Variants in SLC35F4 observed in about 807,000 individuals in gnomAD.
The protein encoded by SLC35F4 is chromosome 14 open reading frame 36.
Under a neutral mutation model 44.2 loss-of-function variants are expected in SLC35F4, and 24 were observed. The ratio of observed to expected loss-of-function variants is 0.54; its 90% CI spans 0.39 to 0.76. The LOEUF (loss-of-function observed/expected upper bound fraction) is 0.76, where lower values mean the gene tolerates loss of function less well. SLC35F4 is among the 30% of genes least tolerant of loss of function. The pLI is 0.00. For synonymous variants in SLC35F4, 238 were observed against 223.6 expected (o/e 1.06, Z -0.57); for missense variants, 562 against 586.1 (o/e 0.96, Z 0.42).
intron 1 of SLC35F4, among the ~76,000 whole-genome samples, chr14:57,952,978 C>A (rs1020970879): frequency 1.3e-5 from 2 of 151,978 alleles, no homozygotes; most frequent in Admixed American, 1.3e-4. Flanking sequence ...CCCAAAGACA[C>A]ATGATCATCA....
At chr14:57,909,766 A>C (rs904026146) in intron 1 of SLC35F4, among the ~76,000 whole-genome samples, 1 of 152,072 alleles carries the variant, frequency 6.6e-6, no homozygotes, top group Non-Finnish European at 1.5e-5. Context: ...TTATGAATAA[A>C]GCTGCTATGA....
chr14:57,773,914 C>T (rs943672301), intron 1 of SLC35F4, among the ~76,000 whole-genome samples: 1 of 152,186 alleles, frequency 6.6e-6, no homozygotes, highest in Non-Finnish European at 1.5e-5. Context: ...TCTCCCAGAC[C>T]TTGCCTTCCT....
At chr14:57,602,458 T>G (rs2070885284) in intron 1 of SLC35F4, 1 of 152,168 alleles carries the variant, frequency 6.6e-6, no homozygotes, top group Non-Finnish European at 1.5e-5. Flanking sequence ...AATGTAGTCT[T>G]GAAGGGGAGC....
chr14:57,807,732 AT>A (rs1243382322), intron 1 of SLC35F4, among the ~76,000 whole-genome samples: 1 of 151,860 alleles, frequency 6.6e-6, no homozygotes, highest in Non-Finnish European at 1.5e-5. Flanking sequence ...TTATATTATT[AT>A]TTATTACTTT....
intron 1 of SLC35F4, among the ~76,000 whole-genome samples, chr14:57,701,666 T>C (rs899397670): frequency 6.6e-6 from 1 of 152,230 alleles, no homozygotes; most frequent in Non-Finnish European, 1.5e-5. Flanking sequence ...GGTCAGTCAT[T>C]GACCTAAATG....
upstream of SLC35F4, among the ~76,000 whole-genome samples, chr14:57,866,719 T>C (rs1888171500): frequency 6.6e-6 from 1 of 152,112 alleles, no homozygotes; most frequent in Non-Finnish European, 1.5e-5. Context: ...TCTCCTTTAT[T>C]GCCAAAAATA....
intron 1 of SLC35F4, among the ~76,000 whole-genome samples, chr14:57,968,266 T>A (rs1880946444): frequency 1.3e-5 from 2 of 152,224 alleles, no homozygotes; most frequent in South Asian, 4.1e-4. Flanking sequence ...TTCTACCATA[T>A]TAAATTTAAA....
rs538006232 is a variant in SLC35F4, at chr14:57,699,917, G to A, written c.104-105793C>T. Among the ~76,000 whole-genome samples, 4 of 152,194 alleles carry A rather than the reference G, an allele frequency of 2.6e-5. No homozygotes were observed. The East Asian group carries it at 7.7e-4, about 29-fold the overall frequency. ...CATGGGATTTTTGTGCAAAATTTAA[G>A]GTCTAATTGCACAGGATAACTGATT... On this transcript the variant is annotated intron_variant, in intron 1 of 7. Transcript: ENST00000556826.
intron 1 of SLC35F4, among the ~76,000 whole-genome samples, chr14:57,727,817 G>A (rs2076241999): frequency 6.6e-6 from 1 of 152,150 alleles, no homozygotes; most frequent in South Asian, 2.1e-4. Context: ...GTCTATCCTT[G>A]AGAATGAACC....
At chr14:57,775,083 C>T (rs1172808769) in intron 1 of SLC35F4, among the ~76,000 whole-genome samples, 1 of 152,242 alleles carries the variant, frequency 6.6e-6, no homozygotes, top group Non-Finnish European at 1.5e-5. Context: ...CCAACGACCT[C>T]CTGAGTGAAT....
intron 1 of SLC35F4, among the ~76,000 whole-genome samples, chr14:57,597,166 G>T (rs1244730241): frequency 6.6e-6 from 1 of 152,208 alleles, no homozygotes. Context: ...GAGTGCCTGA[G>T]TGGAACCAGA....
chr14:57,805,127 C>G (rs1248705285), intron 1 of SLC35F4, among the ~76,000 whole-genome samples: 4 of 152,102 alleles, frequency 2.6e-5, no homozygotes, highest in Admixed American at 2.0e-4. Context: ...ACAACAGATG[C>G]TGGTAAGGTT....
intron 1 of SLC35F4, among the ~76,000 whole-genome samples, chr14:57,653,496 G>A (rs2073859616): frequency 6.6e-6 from 1 of 152,196 alleles, no homozygotes; most frequent in South Asian, 2.1e-4. Flanking sequence ...GGGGAGCCCA[G>A]GGGCCACTAC....
chr14:57,839,529 G>C (rs1218589628), intron 1 of SLC35F4, among the ~76,000 whole-genome samples: 2 of 152,156 alleles, frequency 1.3e-5, no homozygotes, highest in Admixed American at 6.5e-5. Context: ...GGAGCTGTAT[G>C]ATGAGAACAT....
chr14:57,857,915 C>T lies in SLC35F4; in HGVS notation c.103+7808G>A, dbSNP rs557022344. On this transcript the variant is annotated intron_variant, in intron 1 of 7. Coordinates refer to ENST00000556826, the MANE Select transcript of SLC35F4 (RefSeq NM_001306087.2). Reference sequence around the variant, plus strand: ...CAAAAGAGCATGGGCACAATAATGTCATTAAAACAATGAGCTGCCATCATC... The same window carrying T: ...CAAAAGAGCATGGGCACAATAATGTTATTAAAACAATGAGCTGCCATCATC... 3.9e-5 allele frequency among the ~76,000 whole-genome samples: 6 copies of T among 152,108 alleles called. No individual in the cohort carries two copies. In the South Asian group the frequency reaches 1.2e-3, roughly 32 times the overall value.
chr14:57,789,604 C>T (rs1026306873), intron 1 of SLC35F4, among the ~76,000 whole-genome samples: 2 of 152,092 alleles, frequency 1.3e-5, no homozygotes, highest in African/African-American at 2.4e-5. Flanking sequence ...TGAAACTATT[C>T]CAAACAACAG....
chr14:57,908,983 G>A (rs1183901081), intron 1 of SLC35F4, among the ~76,000 whole-genome samples: 16 of 152,184 alleles, frequency 1.1e-4, no homozygotes, highest in Admixed American at 1.0e-3. Flanking sequence ...AAGGGATCCA[G>A]TTTCAGTTCT....
chr14:57,921,773 A>G (rs183249200), intron 1 of SLC35F4, among the ~76,000 whole-genome samples: 1 of 152,248 alleles, frequency 6.6e-6, no homozygotes, highest in Non-Finnish European at 1.5e-5. Flanking sequence ...CGGGCCCACT[A>G]CTATTTTAGT....
At chr14:57,814,480 A>T (rs1056093571) in intron 1 of SLC35F4, among the ~76,000 whole-genome samples, 4 of 152,250 alleles carry the variant, frequency 2.6e-5, no homozygotes, top group African/African-American at 9.6e-5. Context: ...TCTATAGAAA[A>T]GGATACAAAT....
Sources: allele counts gnomAD v4.1 joint callset (sites outside exome capture counted in the v4.1 genomes callset), GRCh38; gene constraint gnomAD v4.1.1; transcripts MANE v1.5; gene names NCBI Gene and HGNC (gene_info 2026-07-23, HGNC 2026-07-21).